Variants in BTBD9 observed in about 807,000 individuals in gnomAD.
BTBD9 encodes the protein BTB domain containing 9.
BTBD9 carries 49 observed loss-of-function variants against 64.3 expected under a neutral mutation model. That is an observed-to-expected ratio of 0.76 (90% confidence interval 0.61 to 0.97). The LOEUF is 0.97. Ranked by LOEUF, BTBD9 falls within the 50% of genes least tolerant of loss-of-function variation. The probability of loss-of-function intolerance (pLI) is 0.00; values close to 1 mark genes in which losing one functional copy is unlikely to be tolerated. For missense variants in BTBD9, 598 were observed against 762.1 expected (o/e 0.78, Z 2.53); for synonymous variants, 260 against 274.7 (o/e 0.95, Z 0.53).
At chr6:38,545,595 T>C (rs1051943665) in intron 6 of BTBD9, among the ~76,000 whole-genome samples, 3 of 151,508 alleles carry the variant, frequency 2.0e-5, no homozygotes, top group Non-Finnish European at 2.9e-5. Context: ...CTGGCTAACA[T>C]GGTGAAACCC....
At chr6:38,617,698 A>G (rs1195695696) in intron 1 of BTBD9, among the ~76,000 whole-genome samples, 2 of 152,106 alleles carry the variant, frequency 1.3e-5, no homozygotes, top group African/African-American at 4.8e-5. Context: ...TATTCAAATG[A>G]TGAGAAGTGA....
At chr6:38,263,364 T>C (rs546881945) in intron 8 of BTBD9, among the ~76,000 whole-genome samples, 15 of 152,342 alleles carry the variant, frequency 9.8e-5, no homozygotes, top group African/African-American at 3.6e-4. Context: ...TATTCTGTTA[T>C]AGCATATGCA....
intron 6 of BTBD9, among the ~76,000 whole-genome samples, chr6:38,463,583 G>A (rs951730503): frequency 6.6e-6 from 1 of 152,202 alleles, no homozygotes; most frequent in African/African-American, 2.4e-5. Flanking sequence ...GGGAGTAGGT[G>A]TTGGATTTTA....
At position 38,374,297 on chromosome 6, in the gene BTBD9, G is replaced by GCACA. The variant is rs1562095321; in HGVS notation, c.1155-29205_1155-29204insTGTG. Among the ~76,000 whole-genome samples the GCACA allele has an allele frequency of 2.5e-3, 135 of 53,698 alleles. 16 individuals carry two copies. Among genetic ancestry groups the GCACA allele is most frequent in the African/African-American group, 0.011 (129 of 11,308 alleles). 35.2% of individuals were successfully genotyped at this position (53,698 alleles called of 152,430 possible). A position where few individuals can be genotyped will look rare whatever the true frequency, so the allele number is the denominator to read the frequency against. ...AAAAAAAAAAAGTATATATATATAT[G>GCACA]TATATATATGTATATATATATATAT... On this transcript the variant is annotated intron_variant, in intron 6 of 10. Transcript: ENST00000481247.
chr6:38,245,140 C>G (rs1036855763), intron 9 of BTBD9, among the ~76,000 whole-genome samples: 2 of 152,208 alleles, frequency 1.3e-5, no homozygotes, highest in Non-Finnish European at 2.9e-5. Context: ...TAGGCTACTA[C>G]TATGGATCAA....
At chr6:38,430,363 G>C in intron 6 of BTBD9, among the ~76,000 whole-genome samples, 1 of 150,340 alleles carries the variant, frequency 6.7e-6, no homozygotes, top group Non-Finnish European at 1.5e-5. Context: ...GGGATCACAG[G>C]CTTGTGCCAC....
intron 6 of BTBD9, among the ~76,000 whole-genome samples, chr6:38,530,474 T>G: frequency 6.6e-6 from 1 of 152,122 alleles, no homozygotes; most frequent in Non-Finnish European, 1.5e-5. Flanking sequence ...GGCATCACGG[T>G]CCTACTGATA....
intron 6 of BTBD9, among the ~76,000 whole-genome samples, chr6:38,529,509 T>C (rs901480633): frequency 6.6e-6 from 1 of 152,042 alleles, no homozygotes; most frequent in African/African-American, 2.4e-5. Context: ...CTACAACAAA[T>C]ACCTAATCTC....
intron 10 of BTBD9, among the ~76,000 whole-genome samples, chr6:38,185,604 AAAACTGTATG>A (rs1484360649): frequency 1.3e-5 from 2 of 152,178 alleles, no homozygotes; most frequent in East Asian, 1.9e-4. Context: ...TTTTACTGCC[AAAACTGTATG>A]CTATAAGGCA....
At chr6:38,402,811 T>C (rs1766993684) in intron 6 of BTBD9, 4 of 700,706 alleles carry the variant, frequency 5.7e-6, no homozygotes, top group African/African-American at 1.8e-5. Context: ...CTCATGCCTA[T>C]AATACCTGCA....
intron 8 of BTBD9, among the ~76,000 whole-genome samples, chr6:38,283,089 C>G (rs1049512872): frequency 2.0e-5 from 3 of 152,142 alleles, no homozygotes; most frequent in African/African-American, 7.2e-5. Context: ...GGTCAGAGAT[C>G]ATGTTTGGAG....
chr6:38,514,722 G>A (rs1772933266), intron 6 of BTBD9, among the ~76,000 whole-genome samples: 1 of 152,180 alleles, frequency 6.6e-6, no homozygotes, highest in Non-Finnish European at 1.5e-5. Context: ...TCAGTGGGTA[G>A]AATAAAATAA....
intron 8 of BTBD9, among the ~76,000 whole-genome samples, chr6:38,276,049 CAT>C (rs1185254627): frequency 3.3e-5 from 5 of 152,106 alleles, no homozygotes; most frequent in African/African-American, 7.2e-5. Flanking sequence ...CACATGCACA[CAT>C]ATGTTTATTG....
intron 10 of BTBD9, among the ~76,000 whole-genome samples, chr6:38,177,361 C>G (rs537642966): frequency 4.9e-4 from 74 of 152,360 alleles, no homozygotes; most frequent in African/African-American, 1.7e-3. Flanking sequence ...GCCCCGCAAG[C>G]CTTCAGGGTG....
At chr6:38,626,184 C>T (rs1251560975) in intron 1 of BTBD9, among the ~76,000 whole-genome samples, 1 of 152,152 alleles carries the variant, frequency 6.6e-6, no homozygotes, top group African/African-American at 2.4e-5. Context: ...TTTGTGGGTA[C>T]ATAGTAGGTA....
In BTBD9 at chr6:38,602,137, G is replaced by A. The variant is rs564873098; in HGVS notation, c.-27-4016C>T. ...ACGTAACCATATTGTAAGTCTAGGA[G>A]CATCATTTATATAAATGTAGCATTT... On this transcript the variant is annotated intron_variant, in intron 1 of 10. Transcript: ENST00000481247. Among the ~76,000 whole-genome samples, 60 of 152,212 alleles carry A rather than the reference G, an allele frequency of 3.9e-4. 1 individual carries two copies. The highest frequency in any genetic ancestry group is 1.3e-3 in the African/African-American group (53 of 41,552).
intron 9 of BTBD9, among the ~76,000 whole-genome samples, chr6:38,208,650 T>G (rs1365075577): frequency 1.3e-5 from 2 of 152,150 alleles, no homozygotes; most frequent in Non-Finnish European, 2.9e-5. Context: ...CAGTCTAAAG[T>G]GGAGACTCAG....
chr6:38,183,879 T>C (rs1202336210), intron 10 of BTBD9, among the ~76,000 whole-genome samples: 1 of 152,130 alleles, frequency 6.6e-6, no homozygotes, highest in African/African-American at 2.4e-5. Context: ...CTCTGGCCCA[T>C]GGTCTGATTT....
intron 6 of BTBD9, among the ~76,000 whole-genome samples, chr6:38,418,276 T>C (rs1767763465): frequency 6.6e-6 from 1 of 152,172 alleles, no homozygotes; most frequent in African/African-American, 2.4e-5. Context: ...ACCGTGTAAA[T>C]GTGTTAAGGC....
Sources: gnomAD v4.1 joint callset for allele counts (sites outside exome capture counted in the v4.1 genomes callset) on GRCh38, gnomAD v4.1.1 for gene constraint, MANE v1.5 for transcripts, NCBI Gene and HGNC (gene_info 2026-07-23, HGNC 2026-07-21) for gene names.